Variants in RSPO2 observed in about 807,000 individuals in gnomAD.
The protein encoded by RSPO2 is R-spondin 2, also known as R-spondin-2.
RSPO2 carries 14 observed loss-of-function variants against 30.9 expected under a neutral mutation model. The ratio of observed to expected loss-of-function variants is 0.45; its 90% CI spans 0.30 to 0.71. The LOEUF (loss-of-function observed/expected upper bound fraction) is 0.71, where lower values mean the gene tolerates loss of function less well. Among genes scored for constraint, RSPO2 ranks in the 30% least tolerant of loss-of-function variants. The pLI is 0.08. For synonymous variants in RSPO2, 107 were observed against 96.4 expected (o/e 1.11, Z -0.64); for missense variants, 264 against 301.9 (o/e 0.87, Z 0.93).
At chr8:108,060,648 G>A (rs1812425226) in intron 2 of RSPO2, among the ~76,000 whole-genome samples, 1 of 151,760 alleles carries the variant, frequency 6.6e-6, no homozygotes, top group African/African-American at 2.4e-5. Context: ...AATCTAGCAA[G>A]GCAGGCCAAC....
chr8:107,940,719 G>T (rs1052291852), intron 5 of RSPO2, among the ~76,000 whole-genome samples: 1 of 152,090 alleles, frequency 6.6e-6, no homozygotes, highest in Non-Finnish European at 1.5e-5. Context: ...GAAAGCTAAA[G>T]AACCCCTTCC....
At chr8:107,987,492 T>TC (rs1191727754) in intron 3 of RSPO2, among the ~76,000 whole-genome samples, 1 of 152,198 alleles carries the variant, frequency 6.6e-6, no homozygotes, top group African/African-American at 2.4e-5. Flanking sequence ...ATGGTTTTCA[T>TC]CCAGCTACTG....
At chr8:107,984,929 GTAA>G (rs1814574088) in intron 3 of RSPO2, among the ~76,000 whole-genome samples, 1 of 152,096 alleles carries the variant, frequency 6.6e-6, no homozygotes, top group African/African-American at 2.4e-5. Context: ...TATCTACTTT[GTAA>G]TAGTTCATTA....
intron 5 of RSPO2, among the ~76,000 whole-genome samples, chr8:107,940,150 C>T (rs1812852854): frequency 6.6e-6 from 1 of 152,084 alleles, no homozygotes; most frequent in Non-Finnish European, 1.5e-5. Context: ...AAGTGGATTT[C>T]CTCTCAAACT....
At chr8:108,012,719 C>G (rs1406482231) in intron 2 of RSPO2, among the ~76,000 whole-genome samples, 1 of 152,062 alleles carries the variant, frequency 6.6e-6, no homozygotes, top group East Asian at 1.9e-4. Flanking sequence ...TGAGAAACTA[C>G]TAGTTCAAGA....
At chr8:107,986,041 A>G (rs1814615807) in intron 3 of RSPO2, among the ~76,000 whole-genome samples, 1 of 152,206 alleles carries the variant, frequency 6.6e-6, no homozygotes, top group Non-Finnish European at 1.5e-5. Context: ...TACTATTGCT[A>G]AAAGTATAAT....
At chr8:108,029,141 C>T (rs1235547018) in intron 2 of RSPO2, among the ~76,000 whole-genome samples, 1 of 132,994 alleles carries the variant, frequency 7.5e-6, no homozygotes, top group Non-Finnish European at 1.5e-5. Context: ...CTACAACCAA[C>T]CAGCCAAATC....
At chr8:107,934,522 G>A (rs1812655372) in intron 5 of RSPO2, among the ~76,000 whole-genome samples, 1 of 152,050 alleles carries the variant, frequency 6.6e-6, no homozygotes, top group Non-Finnish European at 1.5e-5. Context: ...ACAGGCATGT[G>A]CCACCACACC....
At chr8:107,944,314 T>C (rs1183424135) in intron 5 of RSPO2, among the ~76,000 whole-genome samples, 1 of 152,208 alleles carries the variant, frequency 6.6e-6, no homozygotes, top group Non-Finnish European at 1.5e-5. Flanking sequence ...AAATAAGTTT[T>C]GCTGAGGTAC....
chr8:107,900,862 G>A lies in RSPO2; in HGVS notation c.*213C>T, dbSNP rs1401256208. 6.1e-6 allele frequency: 3 copies of A among 491,628 alleles called. No homozygotes were observed. The highest frequency in any genetic ancestry group is 1.1e-5 in the Non-Finnish European group (3 of 280,058). The allele number at this position is 491,628 out of a possible 1,614,324, so 30.5% of individuals were successfully genotyped here. On this transcript the variant is annotated 3_prime_UTR_variant, in exon 6 of 6. Coordinates refer to ENST00000276659, the MANE Select transcript of RSPO2 (RefSeq NM_178565.5). ...CACACACTGAGCCAAGTCACGGGCT[G>A]TGCACTTACTCCTGCCTTCACAGTC... is the stretch of plus-strand genomic sequence containing the variant.
chr8:107,997,109 A>T (rs897779203), intron 2 of RSPO2: 1 of 226,850 alleles, frequency 4.4e-6, no homozygotes, highest in Non-Finnish European at 9.0e-6. Context: ...AACCTCAAAC[A>T]GACTTTTCCA....
chr8:108,029,054 CTTTTTTTTTTTTTTTTTTTTTTT>C (rs71308771), intron 2 of RSPO2, among the ~76,000 whole-genome samples: 10 of 26,196 alleles, frequency 3.8e-4, no homozygotes, highest in East Asian at 4.2e-3. Context: ...TAACATGAGT[CTTTTTTTTTTTTTTTTTTTTTTT>C]TTTTTTTTTT....
At chr8:107,976,620 A>AT (rs1021055866) in intron 3 of RSPO2, among the ~76,000 whole-genome samples, 2 of 152,154 alleles carry the variant, frequency 1.3e-5, no homozygotes, top group African/African-American at 4.8e-5. Flanking sequence ...GTCTCTGCTA[A>AT]TTTTTAGACA....
chr8:107,917,486 A>G (rs562407178), intron 5 of RSPO2, among the ~76,000 whole-genome samples: 6 of 152,278 alleles, frequency 3.9e-5, no homozygotes, highest in Admixed American at 2.6e-4. Flanking sequence ...TTGAGTTACT[A>G]TTTCAGATAA....
chr8:108,076,327 G>A (rs1813013456), intron 2 of RSPO2, among the ~76,000 whole-genome samples: 1 of 152,188 alleles, frequency 6.6e-6, no homozygotes, highest in South Asian at 2.1e-4. Flanking sequence ...GGCCTGGGAG[G>A]TTTAGGGTTT....
intron 5 of RSPO2, among the ~76,000 whole-genome samples, chr8:107,901,496 AC>A (rs1811461777): frequency 1.3e-5 from 2 of 152,124 alleles, no homozygotes; most frequent in South Asian, 2.1e-4. Flanking sequence ...ATTCCCTCCT[AC>A]TTCTAACAAT....
chr8:107,968,659 C>T (rs1168338427), intron 3 of RSPO2, among the ~76,000 whole-genome samples: 1 of 151,974 alleles, frequency 6.6e-6, no homozygotes, highest in Non-Finnish European at 1.5e-5. Flanking sequence ...ATTCATTTCA[C>T]ATGGTATACA....
chr8:108,019,119 G>C (rs898959347), intron 2 of RSPO2, among the ~76,000 whole-genome samples: 1 of 152,196 alleles, frequency 6.6e-6, no homozygotes, highest in Admixed American at 6.5e-5. Flanking sequence ...TCAAAACTCT[G>C]AACTACCCAA....
intron 2 of RSPO2, among the ~76,000 whole-genome samples, chr8:108,033,676 G>C (rs1295014948): frequency 6.6e-6 from 1 of 152,162 alleles, no homozygotes; most frequent in African/African-American, 2.4e-5. Flanking sequence ...AGAGAACTGA[G>C]AGCTTCTTAT....
Sources: gnomAD v4.1 joint callset for allele counts (sites outside exome capture counted in the v4.1 genomes callset) on GRCh38, gnomAD v4.1.1 for gene constraint, MANE v1.5 for transcripts, NCBI Gene and HGNC (gene_info 2026-07-23, HGNC 2026-07-21) for gene names.